B9D2: variants seen among roughly 807,000 people sequenced by gnomAD.
B9D2 encodes B9 domain containing 2.
B9D2 carries 21 observed loss-of-function variants against 19.2 expected under a neutral mutation model. The observed-to-expected ratio is 1.09, with a 90% CI of 0.78 to 1.58. The LOEUF is 1.58. B9D2 is among the 40% of genes most tolerant of loss of function. The pLI, the probability that B9D2 is intolerant of heterozygous loss-of-function variation, is 0.00. For missense variants in B9D2, 221 were observed against 244.3 expected (o/e 0.90, Z 0.64); for synonymous variants, 91 against 100.6 (o/e 0.90, Z 0.57).
intron 3 of B9D2, among the ~76,000 whole-genome samples, chr19:41,356,369 T>C (rs1041986880): frequency 3.5e-4 from 53 of 152,104 alleles, no homozygotes; most frequent in South Asian, 4.2e-4. Context: ...GTAGAGGCAG[T>C]TTAAGATTTC....
Position 41,354,484 on chromosome 19 carries a change from C to A in B9D2, c.*216G>T, listed in dbSNP as rs1303535433. On this transcript the variant is annotated 3_prime_UTR_variant, in exon 4 of 4. Transcript: ENST00000243578. Reference sequence around the variant, plus strand: ...CTAAGCAGCCTCCTGTCACTCAACACCCTGCGACCCCATACATTTACTGTC... The same window carrying A: ...CTAAGCAGCCTCCTGTCACTCAACAACCTGCGACCCCATACATTTACTGTC... The A allele has an allele frequency of 3.1e-6, 2 of 654,784 alleles. No homozygotes were observed. Among genetic ancestry groups the A allele is most frequent in the African/African-American group, 3.6e-5 (2 of 55,714 alleles). 40.6% of individuals were successfully genotyped at this position (654,784 alleles called of 1,614,324 possible). A position where few individuals can be genotyped will look rare whatever the true frequency, so the allele number is the denominator to read the frequency against.
At chr19:41,359,667 C>T (rs965657110) in intron 2 of B9D2, among the ~76,000 whole-genome samples, 2 of 151,830 alleles carry the variant, frequency 1.3e-5, no homozygotes, top group African/African-American at 4.8e-5. Flanking sequence ...GGTCCCATTG[C>T]ACTCCAGCCT....
intron 2 of B9D2, among the ~76,000 whole-genome samples, chr19:41,360,180 TG>T (rs36030082): frequency 2.8e-5 from 4 of 140,982 alleles, no homozygotes; most frequent in Non-Finnish European, 4.6e-5. Context: ...TTTCTTTTTT[TG>T]GGGGGGTGGG....
At chr19:41,355,967 G>A (rs1216696384) in intron 3 of B9D2, among the ~76,000 whole-genome samples, 1 of 152,202 alleles carries the variant, frequency 6.6e-6, no homozygotes, top group Non-Finnish European at 1.5e-5. Context: ...AAGTGCCAAG[G>A]CCCTGGGGGG....
intron 3 of B9D2, among the ~76,000 whole-genome samples, chr19:41,357,022 C>T (rs1322845130): frequency 2.0e-5 from 3 of 152,186 alleles, no homozygotes; most frequent in Non-Finnish European, 4.4e-5. Context: ...ATGCCCTTGG[C>T]TCACTTTCCC....
chr19:41,363,613 GGTA>G, intron 1 of B9D2, 90 bp from the exon 2 acceptor site: 1 of 1,162,140 alleles, frequency 8.6e-7, no homozygotes, highest in South Asian at 1.3e-5. Context: ...GCAAGTAAAG[GGTA>G]GTACTAGGAT....
Position 41,354,859 on chromosome 19 carries a change from C to T in B9D2, c.369G>A (p.Leu123=), listed in dbSNP as rs1363115093. ...WRPLGSWREQ[L]ARAFVGGGPQ... is the part of the protein sequence containing the mutation. Reference sequence around the variant, plus strand: ...GCCCACCACCCACGAAAGCCCGTGCCAACTGTTCTCGCCAACTGCCCAGGG... The same window carrying T: ...GCCCACCACCCACGAAAGCCCGTGCTAACTGTTCTCGCCAACTGCCCAGGG... The change falls in exon 4 of 4, where the codon TTG becomes TTA. Residue 123 remains leucine (L), a synonymous_variant. Transcript: ENST00000243578. 2 of 1,613,858 alleles carry T rather than the reference C, an allele frequency of 1.2e-6. No homozygotes were observed. The highest frequency in any genetic ancestry group is 4.5e-5 in the East Asian group (2 of 44,900).
intron 2 of B9D2, 133 bp from the exon 3 acceptor site, chr19:41,358,155 C>A: frequency 8.8e-6 from 12 of 1,370,318 alleles, no homozygotes; most frequent in Non-Finnish European, 1.2e-5. Context: ...AACCAAGTAT[C>A]TGGGTTCAAA....
chr19:41,363,401 G>C (rs2038445736), intron 2 of B9D2, 31 bp downstream of exon 2: 1 of 1,606,554 alleles, frequency 6.2e-7, no homozygotes. Flanking sequence ...AGGGGTCTTG[G>C]TGTGGAAATG....
intron 2 of B9D2, among the ~76,000 whole-genome samples, chr19:41,360,368 G>T (rs11083617): frequency 0.6 from 90,818 of 151,948 alleles, 27,486 homozygotes; most frequent in Non-Finnish European, 0.61. Flanking sequence ...TAGAGACGGG[G>T]GTCTCACTAT....
At chr19:41,355,455 C>T (rs1317612391) in intron 3 of B9D2, among the ~76,000 whole-genome samples, 10 of 152,118 alleles carry the variant, frequency 6.6e-5, no homozygotes, top group Non-Finnish European at 1.0e-4. Context: ...GCCCTGCTCT[C>T]TTTGGGCCCA....
At position 41,354,795 on chromosome 19, in the gene B9D2, C is replaced by G; in HGVS notation, c.433G>C (p.Asp145His). 5 of 1,614,014 alleles carry G rather than the reference C, an allele frequency of 3.1e-6. No individual in the cohort carries two copies. Among genetic ancestry groups the G allele is most frequent in the Non-Finnish European group, 4.2e-6 (5 of 1,180,034 alleles). ...GCAGCTGTGTGCAGGCGATAGCGGTCGGCCCCACTGTAGATGGTGTCCCCA... is the reference window on the plus strand; with the variant it reads ...GCAGCTGTGTGCAGGCGATAGCGGTGGGCCCCACTGTAGATGGTGTCCCCA... Reference protein sequence around the residue: ...LHGDTIYSGADRYRLHTAAGG... With the variant: ...LHGDTIYSGAHRYRLHTAAGG... The change falls in exon 4 of 4, where the codon GAC (aspartate) becomes CAC (histidine). Residue 145 changes from aspartate (D) to histidine (H), a missense_variant. Transcript: ENST00000243578.
chr19:41,363,296 G>A (rs924365186), intron 2 of B9D2, 136 bp downstream of exon 2: 2 of 840,444 alleles, frequency 2.4e-6, no homozygotes, highest in South Asian at 1.4e-5. Context: ...CATGTGGACA[G>A]GGTGTGGGCT....
chr19:41,356,719 C>T (rs1012791164), intron 3 of B9D2, among the ~76,000 whole-genome samples: 2 of 151,770 alleles, frequency 1.3e-5, no homozygotes, highest in African/African-American at 4.8e-5. Context: ...GATGTGGTGG[C>T]ACGTGGCTGT....
At chr19:41,363,597 G>C in intron 1 of B9D2, 74 bp from the exon 2 acceptor site, 1 of 1,353,344 alleles carries the variant, frequency 7.4e-7, no homozygotes. Context: ...GGGAAACTGA[G>C]GCCCAGCAAG....
At chr19:41,362,588 T>C (rs1277575023) in intron 2 of B9D2, among the ~76,000 whole-genome samples, 1 of 152,158 alleles carries the variant, frequency 6.6e-6, no homozygotes, top group Non-Finnish European at 1.5e-5. Flanking sequence ...GTGCTGTTGA[T>C]ACTCGTTTAG....
At chr19:41,355,359 T>C (rs144899065) in intron 3 of B9D2, among the ~76,000 whole-genome samples, 1 of 152,170 alleles carries the variant, frequency 6.6e-6, no homozygotes, top group African/African-American at 2.4e-5. Context: ...CATGACCCCA[T>C]GTCAGGGCAG....
At chr19:41,359,932 C>T (rs1298716577) in intron 2 of B9D2, among the ~76,000 whole-genome samples, 2 of 152,034 alleles carry the variant, frequency 1.3e-5, no homozygotes, top group Non-Finnish European at 2.9e-5. Flanking sequence ...ACCCTCTGGC[C>T]TCACTGTCCC....
At position 41,354,708 on chromosome 19, in the gene B9D2, C is replaced by G. The variant is rs750159129; in HGVS notation, c.520G>C (p.Glu174Gln). The G allele has an allele frequency of 8.1e-6, 13 of 1,613,974 alleles. No individual in the cohort carries two copies. Among genetic ancestry groups the G allele is most frequent in the Non-Finnish European group, 1.7e-6 (2 of 1,180,038 alleles). The change falls in exon 4 of 4, where the codon GAG becomes CAG. Residue 174 changes from glutamate to glutamine, a missense_variant. By Grantham distance (29) the Glu-to-Gln change is conservative (BLOSUM62 2). Coordinates refer to ENST00000243578, the MANE Select transcript of B9D2 (RefSeq NM_030578.4). Reference protein sequence around the residue: ...LLRNFDRYGVEC With the variant: ...LLRNFDRYGVQC ...GTTGGAGGCAGAGTCCCTCAGCACT[C>G]CACGCCGTAGCGGTCGAAGTTGCGG...
Sources: allele counts gnomAD v4.1 joint callset (sites outside exome capture counted in the v4.1 genomes callset), GRCh38; gene constraint gnomAD v4.1.1; transcripts MANE v1.5; gene names NCBI Gene and HGNC (gene_info 2026-07-23, HGNC 2026-07-21).